Variants in LRMDA observed in about 807,000 individuals in gnomAD.
LRMDA encodes the protein leucine-rich melanocyte differentiation-associated protein.
In LRMDA, 18 loss-of-function variants were observed where a neutral mutation model predicts 29.8. That is an observed-to-expected ratio of 0.60 (90% confidence interval 0.42 to 0.90). The LOEUF is 0.90. Among genes scored for constraint, LRMDA ranks in the 40% least tolerant of loss-of-function variants. The pLI is 0.00. For synonymous variants in LRMDA, 125 were observed against 109.4 expected (o/e 1.14, Z -0.89); for missense variants, 273 against 273.9 (o/e 1.00, Z 0.02).
At position 76,559,392 on chromosome 10, in the gene LRMDA, T is replaced by G. The variant is rs1843598057; in HGVS notation, c.*2104T>G. 6.6e-6 allele frequency: 1 copy of G among 152,248 alleles called. No individual in the cohort carries two copies. Among genetic ancestry groups the G allele is most frequent in the African/African-American group, 2.4e-5 (1 of 41,472 alleles). The allele number at this position is 152,248 out of a possible 1,614,324, so 9.4% of individuals were successfully genotyped here. A position where few individuals can be genotyped will look rare whatever the true frequency, so the allele number is the denominator to read the frequency against. On this transcript the variant is annotated 3_prime_UTR_variant, in exon 7 of 7. Transcript: ENST00000611255. ...CCCTCTCTTTGGGTTGTTTATTTTC[T>G]TCCAGAATGGTGTAATAACTTTAAT...
At chr10:76,502,263 C>T (rs914908012) in intron 6 of LRMDA, among the ~76,000 whole-genome samples, 3 of 151,938 alleles carry the variant, frequency 2.0e-5, no homozygotes, top group African/African-American at 7.2e-5. Context: ...GGTACTGTGG[C>T]TTTACAATAT....
chr10:76,452,135 C>T (rs2132300678), intron 6 of LRMDA, among the ~76,000 whole-genome samples: 1 of 152,262 alleles, frequency 6.6e-6, no homozygotes, highest in Middle Eastern at 3.4e-3. Context: ...TGGGTGGCAT[C>T]TTGACATGCT....
In LRMDA at chr10:75,479,711, A is replaced by C. The variant is rs543377985; in HGVS notation, c.131+41217A>C. ...TCCTCATAAAGCTTGTATTTTAGTG[A>C]GGAGAGTTGGCCAAGTAAGGTGGCC... is the stretch of plus-strand genomic sequence containing the variant. On this transcript the variant is annotated intron_variant, in intron 2 of 6. Transcript: ENST00000611255. Among the ~76,000 whole-genome samples, 13 of 151,350 alleles carry C rather than the reference A, an allele frequency of 8.6e-5. No individual in the cohort carries two copies. The East Asian group carries it at 2.5e-3, about 30-fold the overall frequency.
intron 5 of LRMDA, among the ~76,000 whole-genome samples, chr10:76,291,690 G>A (rs929871878): frequency 3.9e-5 from 6 of 151,918 alleles, no homozygotes; most frequent in East Asian, 1.9e-4. Flanking sequence ...ATCCTTCTAT[G>A]TGAGATTACA....
chr10:76,195,823 G>A (rs140199022), intron 5 of LRMDA, among the ~76,000 whole-genome samples: 3 of 152,270 alleles, frequency 2.0e-5, no homozygotes, highest in African/African-American at 4.8e-5. Context: ...GCATAGAACA[G>A]CTGTTTTAAT....
chr10:76,051,643 G>GT (rs1848533498), intron 4 of LRMDA, among the ~76,000 whole-genome samples: 1 of 152,190 alleles, frequency 6.6e-6, no homozygotes, highest in African/African-American at 2.4e-5. Context: ...CATTTTTATT[G>GT]TAAGTCAACT....
chr10:76,241,965 A>G (rs1181223129), intron 5 of LRMDA: 1 of 152,244 alleles, frequency 6.6e-6, no homozygotes, highest in East Asian at 1.9e-4. Context: ...TTTTGGCTGT[A>G]TAACAGTGCT....
intron 6 of LRMDA, among the ~76,000 whole-genome samples, chr10:76,555,785 A>T (rs1193194184): frequency 6.8e-6 from 1 of 147,814 alleles, no homozygotes; most frequent in East Asian, 2.0e-4. Flanking sequence ...AAAAAAAAAA[A>T]AAATGGGCTT....
intron 2 of LRMDA, among the ~76,000 whole-genome samples, chr10:75,991,685 G>A (rs1847372870): frequency 6.6e-6 from 1 of 152,164 alleles, no homozygotes; most frequent in African/African-American, 2.4e-5. Flanking sequence ...GTTGATGAGT[G>A]GGAAGTAGTG....
intron 2 of LRMDA, among the ~76,000 whole-genome samples, chr10:75,731,866 C>T (rs999036339): frequency 1.4e-4 from 22 of 152,228 alleles, no homozygotes; most frequent in African/African-American, 5.3e-4. Context: ...ATAGCTTTGT[C>T]TTTATATTTT....
intron 5 of LRMDA, among the ~76,000 whole-genome samples, chr10:76,176,521 C>T (rs1337358917): frequency 6.6e-6 from 1 of 152,200 alleles, no homozygotes; most frequent in Non-Finnish European, 1.5e-5. Context: ...CGGCTGGGCG[C>T]GGTGGCTCAC....
At chr10:75,928,366 A>G (rs1361231168) in intron 2 of LRMDA, among the ~76,000 whole-genome samples, 1 of 151,986 alleles carries the variant, frequency 6.6e-6, no homozygotes, top group Non-Finnish European at 1.5e-5. Flanking sequence ...ATTGCGTGAT[A>G]CAATTTAAAA....
chr10:75,951,811 A>G (rs1846579723), intron 2 of LRMDA, among the ~76,000 whole-genome samples: 1 of 152,222 alleles, frequency 6.6e-6, no homozygotes, highest in African/African-American at 2.4e-5. Context: ...GAAAAGCTTA[A>G]GAAGGCTGAC....
chr10:76,300,502 T>A (rs1304308680), intron 5 of LRMDA, among the ~76,000 whole-genome samples: 1 of 152,228 alleles, frequency 6.6e-6, no homozygotes, highest in Non-Finnish European at 1.5e-5. Flanking sequence ...TGTGTTCTCA[T>A]CTGTCTAATA....
chr10:76,104,993 A>G (rs1341758714), intron 5 of LRMDA, among the ~76,000 whole-genome samples: 1 of 152,124 alleles, frequency 6.6e-6, no homozygotes, highest in East Asian at 1.9e-4. Context: ...GTCTTCTCTC[A>G]GATATCCACT....
intron 5 of LRMDA, among the ~76,000 whole-genome samples, chr10:76,279,629 G>A (rs911794439): frequency 6.6e-5 from 9 of 136,978 alleles, no homozygotes; most frequent in African/African-American, 1.1e-4. Flanking sequence ...CACTGCAACC[G>A]CTGCCTCCCG....
At chr10:75,682,851 A>G (rs1445037746) in intron 2 of LRMDA, among the ~76,000 whole-genome samples, 1 of 152,198 alleles carries the variant, frequency 6.6e-6, no homozygotes, top group Admixed American at 6.5e-5. Context: ...AAGTGGACAC[A>G]TGGAACTTAA....
intron 6 of LRMDA, among the ~76,000 whole-genome samples, chr10:76,452,800 G>T (rs1842419436): frequency 6.6e-6 from 1 of 152,164 alleles, no homozygotes; most frequent in African/African-American, 2.4e-5. Flanking sequence ...TCATACACTT[G>T]TATATTCTTT....
At chr10:75,988,030 A>G (rs1455978279) in intron 2 of LRMDA, among the ~76,000 whole-genome samples, 2 of 152,166 alleles carry the variant, frequency 1.3e-5, no homozygotes, top group African/African-American at 4.8e-5. Flanking sequence ...GTTTCGTTTA[A>G]AAGCAGCTGC....
Sources: allele counts gnomAD v4.1 joint callset (sites outside exome capture counted in the v4.1 genomes callset), GRCh38; gene constraint gnomAD v4.1.1; transcripts MANE v1.5; gene names NCBI Gene and HGNC (gene_info 2026-07-23, HGNC 2026-07-21).